ABCG2: variants seen among roughly 807,000 people sequenced by gnomAD.
ABCG2 encodes the protein ATP binding cassette subfamily G member 2 (JR blood group).
ABCG2 carries 80 observed loss-of-function variants against 73.5 expected under a neutral mutation model. That is an observed-to-expected ratio of 1.09 (90% CI 0.91 to 1.31). The LOEUF is 1.31. Among genes scored for constraint, ABCG2 ranks in the 50% most tolerant of loss-of-function variants. ABCG2 has a pLI of 0.00. For synonymous variants in ABCG2, 269 were observed against 282.4 expected, an observed-to-expected ratio of 0.95 and a Z score of 0.48; for missense variants, 796 against 786.2, an observed-to-expected ratio of 1.01 and a Z score of -0.15.
In ABCG2 at chr4:88,136,961, AAGAT is replaced by A. The variant is rs879487492; in HGVS notation, c.203+2828_203+2831del. Among the ~76,000 whole-genome samples the A allele has an allele frequency of 9.6e-4, 146 of 151,406 alleles. 1 individual carries two copies. In the Middle Eastern group the frequency reaches 0.034, roughly 36 times the overall value. On this transcript the variant is annotated intron_variant, in intron 2 of 15. Coordinates refer to ENST00000237612, the MANE Select transcript of ABCG2 (RefSeq NM_004827.3). ...CAGGAGCCGGAAGTTGCAGTGAGCC[AAGAT>A]CATGCCACTGCACTCCAGCCTGGGC... is the stretch of plus-strand genomic sequence containing the variant.
At position 88,110,412 on chromosome 4, in the gene ABCG2, G is replaced by A. The variant is rs180697538; in HGVS notation, c.1194+2891C>T. 6.6e-5 allele frequency among the ~76,000 whole-genome samples: 10 copies of A among 151,972 alleles called. No homozygotes were observed. In the South Asian group the frequency reaches 1.2e-3, roughly 19 times the overall value. ...ACAAAAATTAGCTGGGCATGGTGGC[G>A]GGCACCCGTAGTCCCAGCTACTCGG... On this transcript the variant is annotated intron_variant, in intron 9 of 15. Coordinates refer to ENST00000237612, the MANE Select transcript of ABCG2 (RefSeq NM_004827.3).
chr4:88,203,921 T>C (rs902904473), intron 1 of ABCG2, among the ~76,000 whole-genome samples: 4 of 152,266 alleles, frequency 2.6e-5, no homozygotes, highest in Non-Finnish European at 2.9e-5. Context: ...CTCTCTACTT[T>C]TGTACCAGAA....
chr4:88,182,915 C>A (rs1294868424), intron 1 of ABCG2, among the ~76,000 whole-genome samples: 1 of 151,648 alleles, frequency 6.6e-6, no homozygotes, highest in East Asian at 1.9e-4. Flanking sequence ...GAAACCCCGT[C>A]TCTACTAAAA....
In ABCG2 at chr4:88,099,496, C is replaced by T. The variant is rs1461608995; in HGVS notation, c.1368-48G>A. The T allele has an allele frequency of 4.5e-6, 7 of 1,542,738 alleles. No homozygotes were observed. In the South Asian group the frequency reaches 6.5e-5, roughly 14 times the overall value. ...ATACATCCAAGATTAGTTTAAGAAGCCACAGGGCAGGCTAGACTTGTCTGT... is the reference window on the plus strand; with the variant it reads ...ATACATCCAAGATTAGTTTAAGAAGTCACAGGGCAGGCTAGACTTGTCTGT... On this transcript the variant is annotated intron_variant, in intron 11 of 15. Coordinates refer to ENST00000237612, the MANE Select transcript of ABCG2 (RefSeq NM_004827.3).
At chr4:88,109,288 A>G (rs1255511446) in intron 9 of ABCG2, among the ~76,000 whole-genome samples, 2 of 152,176 alleles carry the variant, frequency 1.3e-5, no homozygotes, top group Non-Finnish European at 2.9e-5. Flanking sequence ...ATGAGCCACC[A>G]TGCCCGGCCC....
chr4:88,162,879 T>A (rs1442878881), upstream of ABCG2, among the ~76,000 whole-genome samples: 1 of 152,170 alleles, frequency 6.6e-6, no homozygotes, highest in Non-Finnish European at 1.5e-5. Context: ...TCTTTTATTT[T>A]ACCAGGCAAG....
intron 7 of ABCG2, among the ~76,000 whole-genome samples, chr4:88,116,344 G>C (rs1723576133): frequency 6.6e-6 from 1 of 152,134 alleles, no homozygotes; most frequent in South Asian, 2.1e-4. Context: ...TGGATGATGA[G>C]ATCATCTGAA....
At chr4:88,126,043 T>C (rs1486124121) in intron 5 of ABCG2, among the ~76,000 whole-genome samples, 1 of 152,038 alleles carries the variant, frequency 6.6e-6, no homozygotes, top group East Asian at 1.9e-4. Context: ...CAAGCTAGAC[T>C]AATAAAGAAG....
chr4:88,182,593 A>C (rs1434017723), intron 1 of ABCG2, among the ~76,000 whole-genome samples: 2 of 152,218 alleles, frequency 1.3e-5, no homozygotes, highest in African/African-American at 4.8e-5. Flanking sequence ...ATCAACAACA[A>C]GAGGAATTTT....
At chr4:88,101,065 A>G (rs1056967926) in intron 11 of ABCG2, among the ~76,000 whole-genome samples, 165 bp downstream of exon 11, 3 of 152,226 alleles carry the variant, frequency 2.0e-5, no homozygotes, top group Non-Finnish European at 2.9e-5. Context: ...ATCATGTTGT[A>G]TATGATCAAT....
At chr4:88,131,998 A>G (rs1724926472) in intron 3 of ABCG2, 81 bp from the exon 4 acceptor site, 1 of 910,030 alleles carries the variant, frequency 1.1e-6, no homozygotes, top group South Asian at 1.6e-5. Context: ...CCTCCAACAC[A>G]TGCTATATAT....
intron 1 of ABCG2, among the ~76,000 whole-genome samples, chr4:88,181,422 A>AAAAAAAAAAAAAAAC: frequency 7.3e-6 from 1 of 136,148 alleles, no homozygotes; most frequent in Non-Finnish European, 1.6e-5. Flanking sequence ...AAAAAAAAAA[A>AAAAAAAAAAAAAAAC]AGAATGGGCT....
intron 1 of ABCG2, among the ~76,000 whole-genome samples, chr4:88,208,331 C>T (rs763823022): frequency 3.4e-4 from 52 of 152,134 alleles, no homozygotes; most frequent in Non-Finnish European, 7.1e-4. Context: ...TAGGGAGAGT[C>T]GGAGAAATCC....
intron 6 of ABCG2, among the ~76,000 whole-genome samples, chr4:88,120,455 G>T (rs1723891654): frequency 1.3e-5 from 2 of 152,260 alleles, no homozygotes; most frequent in South Asian, 4.1e-4. Flanking sequence ...GCCACAAAAG[G>T]GGCTGTGCCC....
rs779255226 is a variant in ABCG2, at chr4:88,118,231, A to T, written c.719T>A (p.Phe240Tyr). Residue 240 changes from phenylalanine (F) to tyrosine (Y), a missense_variant, in exon 7 of 16, where the codon TTC (phenylalanine) becomes TAC (tyrosine). Transcript: ENST00000237612. ...GGAATATCGAGGCTGATGAATGGAG[A>T]AGATGATTGTTCGTCCCTGCTTAGA... ...RMSKQGRTII[F>Y]SIHQPRYSIF... The T allele has an allele frequency of 4.2e-5, 67 of 1,613,982 alleles. No homozygotes were observed. In the South Asian group the frequency reaches 7.2e-4, roughly 17 times the overall value.
At chr4:88,136,018 G>C (rs1164035820) in intron 2 of ABCG2, among the ~76,000 whole-genome samples, 1 of 152,112 alleles carries the variant, frequency 6.6e-6, no homozygotes, top group Non-Finnish European at 1.5e-5. Flanking sequence ...AATATAGACA[G>C]AATCTTGAGG....
intron 12 of ABCG2, among the ~76,000 whole-genome samples, chr4:88,099,085 C>T (rs777903490): frequency 2.0e-5 from 3 of 152,130 alleles, no homozygotes; most frequent in East Asian, 1.9e-4. Flanking sequence ...CAGAGCAAGA[C>T]CCTGTCTCAA....
At chr4:88,134,333 A>G (rs2725255) in intron 2 of ABCG2, among the ~76,000 whole-genome samples, 147,431 of 152,242 alleles carry the variant, frequency 0.97, 71,575 homozygotes, top group East Asian at 1. Flanking sequence ...TGGGTACAAG[A>G]GTGAAATGTA....
intron 1 of ABCG2, among the ~76,000 whole-genome samples, chr4:88,220,363 G>T (rs997350247): frequency 2.0e-5 from 3 of 152,138 alleles, no homozygotes; most frequent in Non-Finnish European, 2.9e-5. Flanking sequence ...TAATTCTATG[G>T]TTAGTTTTTT....
Sources: gnomAD v4.1 joint callset for allele counts (sites outside exome capture counted in the v4.1 genomes callset) on GRCh38, gnomAD v4.1.1 for gene constraint, MANE v1.5 for transcripts, NCBI Gene and HGNC (gene_info 2026-07-23, HGNC 2026-07-21) for gene names.